CCDC7: variants seen among roughly 807,000 people sequenced by gnomAD.
The protein encoded by CCDC7 is coiled-coil domain containing 7.
In CCDC7, 183 loss-of-function variants were observed where a neutral mutation model predicts 196.9. That is an observed-to-expected ratio of 0.93 (90% CI 0.82 to 1.05). The LOEUF (loss-of-function observed/expected upper bound fraction) is 1.05, where lower values mean the gene tolerates loss of function less well. CCDC7 is among the 50% of genes least tolerant of loss of function. CCDC7 has a pLI of 0.00. For missense variants in CCDC7, 1,540 were observed against 1,482.2 expected (o/e 1.04, Z -0.64); for synonymous variants, 525 against 484.6 (o/e 1.08, Z -1.10).
intron 29 of CCDC7, among the ~76,000 whole-genome samples, chr10:32,802,021 G>T (rs897969374): frequency 6.6e-6 from 1 of 152,172 alleles, no homozygotes; most frequent in East Asian, 1.9e-4. Flanking sequence ...TGGTGAGGTT[G>T]TGCATGCATC....
intron 25 of CCDC7, among the ~76,000 whole-genome samples, chr10:32,725,928 A>T (rs1247979930): frequency 6.6e-6 from 1 of 152,174 alleles, no homozygotes; most frequent in Non-Finnish European, 1.5e-5. Context: ...TATGTAAAAC[A>T]TTAACCTACT....
intron 11 of CCDC7, among the ~76,000 whole-genome samples, chr10:32,536,250 A>G (rs2050478265): frequency 6.6e-6 from 1 of 152,132 alleles, no homozygotes; most frequent in Non-Finnish European, 1.5e-5. Flanking sequence ...AAATTGGAGC[A>G]GTTAGTCTAT....
rs566711025 is a variant in CCDC7 at position 32,463,238 on chromosome 10, A to G, written c.510+189A>G. Among the ~76,000 whole-genome samples the G allele has an allele frequency of 4.6e-5, 7 of 152,254 alleles. No homozygotes were observed. In the South Asian group the frequency reaches 1.5e-3, roughly 32 times the overall value. Reference sequence around the variant, plus strand: ...AATATTTCTCAGTGACCTACACCCTATATCCCTGCATATATCTGGTATACT... The same window carrying G: ...AATATTTCTCAGTGACCTACACCCTGTATCCCTGCATATATCTGGTATACT... On this transcript the variant is annotated intron_variant, in intron 5 of 41. Transcript: ENST00000639629.
chr10:32,656,965 T>G lies in CCDC7; in HGVS notation c.2015-7089T>G, dbSNP rs535944273. ...AATTGGCCACAACAAAGAGGCTACA[T>G]GCCCCAATCAAGTTCAAAATCCAAT... On this transcript the variant is annotated intron_variant, in intron 20 of 41. Coordinates refer to ENST00000639629, the Ensembl canonical transcript of CCDC7. 2.0e-5 allele frequency among the ~76,000 whole-genome samples: 3 copies of G among 152,340 alleles called. No homozygotes were observed. In the South Asian group the frequency reaches 6.2e-4, roughly 32 times the overall value.
intron 24 of CCDC7, among the ~76,000 whole-genome samples, chr10:32,707,974 T>A (rs1272035173): frequency 1.3e-5 from 2 of 152,068 alleles, no homozygotes; most frequent in Non-Finnish European, 2.9e-5. Flanking sequence ...AAAACTACTT[T>A]AAAGTTCATA....
intron 29 of CCDC7, among the ~76,000 whole-genome samples, chr10:32,784,884 C>T (rs2081596232): frequency 6.6e-6 from 1 of 151,796 alleles, no homozygotes. Flanking sequence ...CGCGTGTGGT[C>T]CCAGTTACTC....
At chr10:32,754,245 C>G (rs2076076771) in intron 28 of CCDC7, among the ~76,000 whole-genome samples, 2 of 151,960 alleles carry the variant, frequency 1.3e-5, no homozygotes, top group Admixed American at 6.6e-5. Flanking sequence ...GTGGCTAACA[C>G]AAATTTGGCA....
chr10:32,482,210 TTTACATA>T, intron 8 of CCDC7, among the ~76,000 whole-genome samples: 1 of 152,038 alleles, frequency 6.6e-6, no homozygotes, highest in East Asian at 1.9e-4. Flanking sequence ...AATTTAAATT[TTTACATA>T]TTTAGAGGAG....
chr10:32,711,848 G>A, intron 25 of CCDC7, 118 bp downstream of exon 26: 1 of 500,294 alleles, frequency 2.0e-6, no homozygotes, highest in Non-Finnish European at 3.4e-6. Flanking sequence ...TTTATACTCT[G>A]TAAATACTCT....
Position 32,543,284 on chromosome 10 carries a change from A to C in CCDC7, c.994-16A>C, listed in dbSNP as rs1269463533. 6.5e-6 allele frequency: 9 copies of C among 1,394,612 alleles called. No individual in the cohort carries two copies. Among genetic ancestry groups the C allele is most frequent in the African/African-American group, 1.5e-5 (1 of 66,766 alleles). 86.4% of individuals were successfully genotyped at this position (1,394,612 alleles called of 1,614,324 possible). On this transcript the variant is annotated splice_polypyrimidine_tract_variant and intron_variant, in intron 11 of 41. Coordinates refer to ENST00000639629, the Ensembl canonical transcript of CCDC7. ...GTTTTTAACCCTTTATTTCTGGCTTATGTAAAATTATACAGAAAACTAAGC... is the reference window on the plus strand; with the variant it reads ...GTTTTTAACCCTTTATTTCTGGCTTCTGTAAAATTATACAGAAAACTAAGC...
At chr10:32,658,448 AT>A (rs34294384) in intron 20 of CCDC7, among the ~76,000 whole-genome samples, 68,048 of 151,884 alleles carry the variant, frequency 0.45, 16,007 homozygotes, top group East Asian at 0.58. Context: ...TTATAAAACC[AT>A]TCATATCTCG....
At chr10:32,509,036 G>A (rs1386989558) in intron 9 of CCDC7, among the ~76,000 whole-genome samples, 1 of 150,434 alleles carries the variant, frequency 6.6e-6, no homozygotes, top group East Asian at 2.0e-4. Context: ...CTGGGTTTGA[G>A]TGATTCTCCT....
chr10:32,541,011 G>T (rs150972085), intron 11 of CCDC7, among the ~76,000 whole-genome samples: 148 of 150,928 alleles, frequency 9.8e-4, no homozygotes, highest in African/African-American at 3.2e-3. Context: ...GAACCAATCA[G>T]TCATAGATTT....
rs1438351832 is a variant in CCDC7 at position 32,738,920 on chromosome 10, TTTTCTGAG to T, written c.2905+9464_2905+9471del. On this transcript the variant is annotated intron_variant, in intron 28 of 41. Coordinates refer to ENST00000639629, the Ensembl canonical transcript of CCDC7. Reference sequence around the variant, plus strand: ...TACTGGCAACAAATTATGTCATTTTTTTTCTGAGAATGTTTTTATATCTCTTTAAGTTT... The same window carrying T: ...TACTGGCAACAAATTATGTCATTTTTAATGTTTTTATATCTCTTTAAGTTT... Among the ~76,000 whole-genome samples the T allele has an allele frequency of 3.3e-5, 5 of 152,316 alleles. No homozygotes were observed. In the East Asian group the frequency reaches 9.6e-4, roughly 29 times the overall value.
At chr10:32,709,098 T>C (rs1028570891) in intron 24 of CCDC7, among the ~76,000 whole-genome samples, 5 of 151,900 alleles carry the variant, frequency 3.3e-5, no homozygotes, top group Non-Finnish European at 7.4e-5. Context: ...TAGACTGGAT[T>C]AAGAAAATGT....
At chr10:32,495,969 T>C (rs1252387508) in intron 9 of CCDC7, among the ~76,000 whole-genome samples, 1 of 152,214 alleles carries the variant, frequency 6.6e-6, no homozygotes, top group Non-Finnish European at 1.5e-5. Flanking sequence ...ATTGAATCTA[T>C]AAATTACTTT....
chr10:32,643,357 T>C (rs541191928), intron 20 of CCDC7, among the ~76,000 whole-genome samples: 1 of 152,306 alleles, frequency 6.6e-6, no homozygotes, highest in East Asian at 1.9e-4. Flanking sequence ...TGTATCTCTT[T>C]TCATCTACTT....
intron 20 of CCDC7, among the ~76,000 whole-genome samples, chr10:32,648,938 A>C (rs1038252354): frequency 6.6e-6 from 1 of 152,228 alleles, no homozygotes; most frequent in Non-Finnish European, 1.5e-5. Flanking sequence ...TTGGATAAAG[A>C]AAATGTGGTA....
In CCDC7 at chr10:32,634,608, G is replaced by A. The variant is rs546462528; in HGVS notation, c.1912+244G>A. On this transcript the variant is annotated intron_variant, in intron 19 of 41. Coordinates refer to ENST00000639629, the Ensembl canonical transcript of CCDC7. ...GACGGGGTTTCACCATGTTGATCAG[G>A]CTGGTCTCGAACTCCTGACCTCGTG... 3.4e-3 allele frequency among the ~76,000 whole-genome samples: 515 copies of A among 152,158 alleles called. 3 individuals carry two copies. The highest frequency in any genetic ancestry group is 5.9e-3 in the Non-Finnish European group (401 of 68,008).
Sources: allele counts gnomAD v4.1 joint callset (sites outside exome capture counted in the v4.1 genomes callset), GRCh38; gene constraint gnomAD v4.1.1; transcripts MANE v1.5; gene names NCBI Gene and HGNC (gene_info 2026-07-23, HGNC 2026-07-21).